C19orf47: variants seen among roughly 807,000 people sequenced by gnomAD.
C19orf47 encodes chromosome 19 open reading frame 47.
In C19orf47, 18 loss-of-function variants were observed where a neutral mutation model predicts 32.3. That is an observed-to-expected ratio of 0.56 (90% CI 0.39 to 0.83). The LOEUF is 0.83. Among genes scored for constraint, C19orf47 ranks in the 40% least tolerant of loss-of-function variants. The pLI is 0.00. For synonymous variants in C19orf47, 202 were observed against 211.1 expected, an observed-to-expected ratio of 0.96 and a Z score of 0.37; for missense variants, 484 against 531.6, an observed-to-expected ratio of 0.91 and a Z score of 0.88.
At chr19:40,334,026 G>A in intron 4 of C19orf47, 97 bp from the exon 5 acceptor site, 1 of 862,216 alleles carries the variant, frequency 1.2e-6, no homozygotes, top group Non-Finnish European at 1.7e-6. Context: ...CTGACTGCTA[G>A]AGAAGATTCT....
intron 6 of C19orf47, among the ~76,000 whole-genome samples, chr19:40,327,793 A>G (rs2077864625): frequency 6.6e-6 from 1 of 152,184 alleles, no homozygotes; most frequent in Admixed American, 6.5e-5. Context: ...AAGAGTGCTC[A>G]GGCCAAGGGG....
At chr19:40,332,942 T>C (rs2077984674) in intron 5 of C19orf47, among the ~76,000 whole-genome samples, 1 of 152,138 alleles carries the variant, frequency 6.6e-6, no homozygotes, top group Non-Finnish European at 1.5e-5. Flanking sequence ...TTTCACATTT[T>C]TGTTGGTGAT....
the C19orf47 span, among the ~76,000 whole-genome samples, chr19:40,309,095 A>G: frequency 6.6e-6 from 1 of 152,124 alleles, no homozygotes; most frequent in Non-Finnish European, 1.5e-5. Context: ...GATATTGAAA[A>G]TGATCAGGTT....
At position 40,336,340 on chromosome 19, in the gene C19orf47, G is replaced by A. The variant is rs370360957; in HGVS notation, c.87C>T (p.Ala29=). The change falls in exon 3 of 9, where the codon GCC becomes GCT. Residue 29 remains alanine, a synonymous_variant. Transcript: ENST00000683109. ...GIPPGPAVNY[A]VMFVDNRIQK... The stretch of plus-strand genomic sequence containing the variant: ...CTCACCTATTATCCACAAACATCAC[G>A]GCATAATTGACGGCAGGTCCTGGAG... 16 of 1,614,004 alleles carry A rather than the reference G, an allele frequency of 9.9e-6. No individual in the cohort carries two copies. Among genetic ancestry groups the A allele is most frequent in the East Asian group, 2.2e-5 (1 of 44,890 alleles).
intron 8 of C19orf47, 152 bp downstream of exon 8, chr19:40,323,854 A>G: frequency 1.1e-6 from 1 of 935,260 alleles, no homozygotes; most frequent in Non-Finnish European, 1.7e-6. Flanking sequence ...ACAGATGGGA[A>G]AGCCGCCAGT....
chr19:40,298,298 T>C, the C19orf47 span, among the ~76,000 whole-genome samples: 2 of 140,732 alleles, frequency 1.4e-5, no homozygotes, highest in African/African-American at 5.3e-5. Flanking sequence ...TGAAACATTG[T>C]CTCAAAAAAA....
chr19:40,294,079 C>T, the C19orf47 span, among the ~76,000 whole-genome samples: 2 of 152,114 alleles, frequency 1.3e-5, no homozygotes, highest in East Asian at 3.9e-4. Flanking sequence ...GAGATGGCGC[C>T]ACTGCACTCC....
At chr19:40,312,328 A>ACGAGGT in the C19orf47 span, among the ~76,000 whole-genome samples, 11 of 152,066 alleles carry the variant, frequency 7.2e-5, no homozygotes, top group Non-Finnish European at 1.5e-5. Context: ...CGGTCGGATC[A>ACGAGGT]CGAGGTCGAG....
At chr19:40,298,991 C>T in the C19orf47 span, among the ~76,000 whole-genome samples, 1 of 151,794 alleles carries the variant, frequency 6.6e-6, no homozygotes, top group African/African-American at 2.4e-5. Context: ...TACATTGATG[C>T]AAAACTAGAA....
chr19:40,299,695 C>T, the C19orf47 span: 1 of 152,146 alleles, frequency 6.6e-6, no homozygotes, highest in South Asian at 2.1e-4. Flanking sequence ...AGTTGAGCCC[C>T]TGGGAAAGCT....
At position 40,333,889 on chromosome 19, in the gene C19orf47, G is replaced by A. The variant is rs528514178; in HGVS notation, c.263C>T (p.Pro88Leu). ...KAATESVPCS[P>L]SPLAGEIRRG... The stretch of plus-strand genomic sequence containing the variant: ...GCGAATTTCGCCTGCAAGGGGGCTA[G>A]GGCTGCAGGGTACTGACTCAGTGGC... Residue 88 changes from proline to leucine, a missense_variant, in exon 5 of 9, where the codon CCT (proline) becomes CTT (leucine). By Grantham distance (98) the Pro-to-Leu change is moderately conservative. Transcript: ENST00000683109. 43 of 1,580,506 alleles carry A rather than the reference G, an allele frequency of 2.7e-5. No individual in the cohort carries two copies. In the South Asian group the frequency reaches 4.7e-4, roughly 17 times the overall value.
At chr19:40,307,562 T>C in the C19orf47 span, among the ~76,000 whole-genome samples, 1 of 152,170 alleles carries the variant, frequency 6.6e-6, no homozygotes. Flanking sequence ...GTATTTTTTG[T>C]AGAGACAGGG....
intron 6 of C19orf47, among the ~76,000 whole-genome samples, chr19:40,327,757 G>A (rs769659147): frequency 2.6e-5 from 4 of 152,152 alleles, no homozygotes; most frequent in Non-Finnish European, 5.9e-5. Context: ...GGAGGACAGA[G>A]GCCAACATGG....
At chr19:40,323,957 G>A (rs1008883316) in intron 8 of C19orf47, 49 bp downstream of exon 8, 6 of 1,606,388 alleles carry the variant, frequency 3.7e-6, no homozygotes, top group Non-Finnish European at 5.1e-6. Flanking sequence ...CACCGCTCAG[G>A]GAAGACAACA....
At chr19:40,309,191 CTCT>C in the C19orf47 span, among the ~76,000 whole-genome samples, 5 of 149,892 alleles carry the variant, frequency 3.3e-5, no homozygotes, top group East Asian at 5.8e-4. Flanking sequence ...ATTTCTCTCT[CTCT>C]TTTTTTTTTT....
chr19:40,324,347 T>G (rs950525977), intron 7 of C19orf47: 7 of 513,184 alleles, frequency 1.4e-5, no homozygotes, highest in African/African-American at 1.3e-4. Flanking sequence ...CGGGAAGAGT[T>G]CTTAGTGCCT....
intron 5 of C19orf47, among the ~76,000 whole-genome samples, chr19:40,330,540 CTTTTTTTTT>C (rs398034615): frequency 0.027 from 1,775 of 64,648 alleles, 30 homozygotes; most frequent in Middle Eastern, 0.06. Context: ...ACCCGGCCCT[CTTTTTTTTT>C]TTTTTTTTTT....
At chr19:40,318,748 G>A (rs929062027), downstream of C19orf47, among the ~76,000 whole-genome samples, 1 of 152,094 alleles carries the variant, frequency 6.6e-6, no homozygotes, top group African/African-American at 2.4e-5. Context: ...ACAGAGAAAG[G>A]CATCTATTAC....
the C19orf47 span, among the ~76,000 whole-genome samples, chr19:40,308,446 C>T: frequency 4.0e-5 from 6 of 151,384 alleles, no homozygotes; most frequent in South Asian, 4.2e-4. Flanking sequence ...TGAGCCACCA[C>T]GCCCAGCCAG....
Sources: allele counts gnomAD v4.1 joint callset (sites outside exome capture counted in the v4.1 genomes callset), GRCh38; gene constraint gnomAD v4.1.1; transcripts MANE v1.5; gene names NCBI Gene and HGNC (gene_info 2026-07-23, HGNC 2026-07-21).